ARHGEF28: variants seen among roughly 807,000 people sequenced by gnomAD.
ARHGEF28 encodes the protein Rho guanine nucleotide exchange factor 28.
In ARHGEF28, 152 loss-of-function variants were observed where a neutral mutation model predicts 206.6. The observed-to-expected ratio is 0.74, with a 90% CI of 0.64 to 0.84. ARHGEF28 has a LOEUF of 0.84. Ranked by LOEUF, ARHGEF28 falls within the 40% of genes least tolerant of loss-of-function variation. ARHGEF28 has a pLI of 0.00. For missense variants in ARHGEF28, 2,028 were observed against 2,073.2 expected, an observed-to-expected ratio of 0.98 and a Z score of 0.42; for synonymous variants, 763 against 776.4, an observed-to-expected ratio of 0.98 and a Z score of 0.29.
chr5:73,923,216 T>C (rs1382142183), intron 35 of ARHGEF28: 2 of 1,459,978 alleles, frequency 1.4e-6, no homozygotes, highest in East Asian at 2.5e-5. Flanking sequence ...TCCACTCAAC[T>C]ACCTACATAA....
At chr5:73,689,847 T>C (rs922278079) in intron 2 of ARHGEF28, among the ~76,000 whole-genome samples, 1 of 151,690 alleles carries the variant, frequency 6.6e-6, no homozygotes. Flanking sequence ...GACTGAATGG[T>C]ACAATAGTAT....
intron 13 of ARHGEF28, among the ~76,000 whole-genome samples, chr5:73,851,430 G>A (rs1360822211): frequency 6.7e-6 from 1 of 149,758 alleles, no homozygotes; most frequent in African/African-American, 2.5e-5. Context: ...TGAGCCAAGA[G>A]TACGATGATG....
chr5:73,863,123 C>G (rs1463045387), intron 16 of ARHGEF28: 1 of 152,120 alleles, frequency 6.6e-6, no homozygotes, highest in Admixed American at 6.5e-5. Context: ...TGACCCTATT[C>G]CTTTGTTGAT....
chr5:73,864,991 T>C, intron 17 of ARHGEF28, 119 bp downstream of exon 17: 1 of 819,552 alleles, frequency 1.2e-6, no homozygotes, highest in Non-Finnish European at 1.9e-6. Flanking sequence ...ATGATAGCGA[T>C]AACATAACAT....
intron 7 of ARHGEF28, among the ~76,000 whole-genome samples, chr5:73,789,638 T>C (rs1754349675): frequency 6.6e-6 from 1 of 152,234 alleles, no homozygotes; most frequent in Non-Finnish European, 1.5e-5. Flanking sequence ...ATGGTAGTTA[T>C]ATTGATTTTT....
At chr5:73,729,900 G>A (rs1750504932) in intron 2 of ARHGEF28, among the ~76,000 whole-genome samples, 1 of 152,256 alleles carries the variant, frequency 6.6e-6, no homozygotes, top group Non-Finnish European at 1.5e-5. Context: ...ATAGTAGATA[G>A]GCCTGAATTC....
chr5:73,697,324 T>A (rs1467131626), intron 2 of ARHGEF28, among the ~76,000 whole-genome samples: 1 of 152,258 alleles, frequency 6.6e-6, no homozygotes, highest in East Asian at 1.9e-4. Context: ...TTATAGTTAC[T>A]GTAATTTGCA....
intron 22 of ARHGEF28, 118 bp from the exon 23 acceptor site, chr5:73,882,354 C>T (rs947979702): frequency 2.9e-5 from 22 of 751,228 alleles, no homozygotes; most frequent in Non-Finnish European, 4.3e-5. Context: ...TTCAGAAATT[C>T]CATGATATTT....
At chr5:73,930,113 A>G (rs1007521782) in intron 35 of ARHGEF28, among the ~76,000 whole-genome samples, 2 of 152,080 alleles carry the variant, frequency 1.3e-5, no homozygotes, top group Admixed American at 6.5e-5. Flanking sequence ...CACATGAATG[A>G]GAGTTTATTT....
At chr5:73,677,575 T>A (rs1389486827) in intron 1 of ARHGEF28, among the ~76,000 whole-genome samples, 2 of 152,244 alleles carry the variant, frequency 1.3e-5, no homozygotes, top group African/African-American at 4.8e-5. Context: ...ACTTTCCTCT[T>A]TTATTAAAAA....
intron 11 of ARHGEF28, 48 bp from the exon 12 acceptor site, chr5:73,846,220 C>G (rs763031735): frequency 2.5e-5 from 39 of 1,564,674 alleles, no homozygotes; most frequent in Non-Finnish European, 3.2e-5. Context: ...CAATGACGCT[C>G]TGTGTCCTTC....
At chr5:73,728,763 A>G (rs1380197620) in intron 2 of ARHGEF28, among the ~76,000 whole-genome samples, 1 of 152,158 alleles carries the variant, frequency 6.6e-6, no homozygotes, top group African/African-American at 2.4e-5. Flanking sequence ...TCTGCAAATC[A>G]TGTTGCTTTC....
At chr5:73,652,318 A>G (rs1437735182) in intron 1 of ARHGEF28, among the ~76,000 whole-genome samples, 7 of 152,180 alleles carry the variant, frequency 4.6e-5, no homozygotes, top group Admixed American at 4.6e-4. Flanking sequence ...ACTGCTATAG[A>G]CTCATCAGAG....
chr5:73,869,946 G>A, intron 20 of ARHGEF28, 123 bp from the exon 21 acceptor site: 1 of 1,184,634 alleles, frequency 8.4e-7, no homozygotes, highest in African/African-American at 1.5e-5. Context: ...ATATGTTTTG[G>A]TTTAGTAGTT....
intron 9 of ARHGEF28, among the ~76,000 whole-genome samples, chr5:73,809,194 G>C (rs1163113756): frequency 7.0e-6 from 1 of 142,664 alleles, no homozygotes; most frequent in Admixed American, 6.8e-5. Context: ...GATAGAGCAA[G>C]ACTCTGTCTC....
chr5:73,639,110 C>T (rs193068768), intron 1 of ARHGEF28, among the ~76,000 whole-genome samples: 326 of 145,404 alleles, frequency 2.2e-3, no homozygotes, highest in African/African-American at 7.7e-3. Context: ...GGCCCTAGCA[C>T]GTAGGATTTT....
intron 9 of ARHGEF28, among the ~76,000 whole-genome samples, chr5:73,826,859 G>A (rs935470042): frequency 2.0e-5 from 3 of 152,148 alleles, no homozygotes; most frequent in South Asian, 2.1e-4. Context: ...TTGACCTCAC[G>A]GAGCCCTTGT....
At chr5:73,801,488 G>A (rs1268424289) in intron 9 of ARHGEF28, among the ~76,000 whole-genome samples, 1 of 151,646 alleles carries the variant, frequency 6.6e-6, no homozygotes, top group Non-Finnish European at 1.5e-5. Context: ...AAATGAAGAG[G>A]ATCTTAAGCA....
At chr5:73,743,995 C>T (rs1751582213) in intron 2 of ARHGEF28, among the ~76,000 whole-genome samples, 1 of 152,128 alleles carries the variant, frequency 6.6e-6, no homozygotes. Flanking sequence ...CTGCTCCTCA[C>T]TAGATCCAAT....
Sources: allele counts gnomAD v4.1 joint callset (sites outside exome capture counted in the v4.1 genomes callset), GRCh38; gene constraint gnomAD v4.1.1; transcripts MANE v1.5; gene names NCBI Gene and HGNC (gene_info 2026-07-23, HGNC 2026-07-21).